TASP1: variants seen among roughly 807,000 people sequenced by gnomAD.
TASP1 encodes threonine aspartase 1.
TASP1 carries 16 observed loss-of-function variants against 56.6 expected under a neutral mutation model. That is an observed-to-expected ratio of 0.28 (90% CI 0.19 to 0.43). The LOEUF is 0.43. TASP1 is among the 20% of genes least tolerant of loss of function. The pLI is 1.00. For missense variants in TASP1, 393 were observed against 511.6 expected, an observed-to-expected ratio of 0.77 and a Z score of 2.24; for synonymous variants, 179 against 184.2, an observed-to-expected ratio of 0.97 and a Z score of 0.23.
chr20:13,448,297 C>T (rs2043486074), intron 11 of TASP1, among the ~76,000 whole-genome samples: 1 of 152,064 alleles, frequency 6.6e-6, no homozygotes, highest in Admixed American at 6.6e-5. Context: ...TATGTATTTG[C>T]ATCTGTACCT....
chr20:13,593,213 A>G (rs373736455), intron 4 of TASP1, among the ~76,000 whole-genome samples: 2 of 152,200 alleles, frequency 1.3e-5, no homozygotes, highest in East Asian at 3.8e-4. Flanking sequence ...GGCTGATTAA[A>G]CAGTTAAAAA....
chr20:13,126,670 T>C, the TASP1 span: 1 of 1,614,064 alleles, frequency 6.2e-7, no homozygotes, highest in Non-Finnish European at 8.5e-7. Flanking sequence ...GCAGAGCAAA[T>C]CATCAGATCA....
At chr20:13,398,068 A>C (rs1292820924) in intron 13 of TASP1, among the ~76,000 whole-genome samples, 1 of 152,190 alleles carries the variant, frequency 6.6e-6, no homozygotes, top group Non-Finnish European at 1.5e-5. Flanking sequence ...GTTTGAAAAG[A>C]GCATCTTCTA....
At chr20:13,329,804 G>C in the TASP1 span, among the ~76,000 whole-genome samples, 1 of 151,894 alleles carries the variant, frequency 6.6e-6, no homozygotes, top group South Asian at 2.1e-4. Flanking sequence ...CCAGTATAAT[G>C]GAGAATAAGA....
At chr20:13,281,885 T>A in the TASP1 span, among the ~76,000 whole-genome samples, 1 of 152,174 alleles carries the variant, frequency 6.6e-6, no homozygotes, top group African/African-American at 2.4e-5. Flanking sequence ...CAGTTGCATG[T>A]TTAAAAATGC....
chr20:13,255,803 C>G, the TASP1 span, among the ~76,000 whole-genome samples: 1 of 152,104 alleles, frequency 6.6e-6, no homozygotes, highest in African/African-American at 2.4e-5. Context: ...CATGGTAGAC[C>G]TAAGTGAAAC....
chr20:13,311,817 G>T, the TASP1 span, among the ~76,000 whole-genome samples: 1 of 152,160 alleles, frequency 6.6e-6, no homozygotes. Context: ...GGAAATGTTA[G>T]TTAAAGTGTA....
chr20:13,585,710 C>G, intron 5 of TASP1, among the ~76,000 whole-genome samples: 2 of 152,206 alleles, frequency 1.3e-5, no homozygotes, highest in Middle Eastern at 3.4e-3. Flanking sequence ...ATTAACAATA[C>G]CAAAAATTGG....
At chr20:13,584,645 G>A (rs566915188) in intron 5 of TASP1, among the ~76,000 whole-genome samples, 14 of 152,242 alleles carry the variant, frequency 9.2e-5, no homozygotes, top group African/African-American at 2.9e-4. Context: ...TGAAGTTCAC[G>A]TGGAAATTTA....
At chr20:13,328,394 T>C in the TASP1 span, among the ~76,000 whole-genome samples, 1 of 152,194 alleles carries the variant, frequency 6.6e-6, no homozygotes, top group Non-Finnish European at 1.5e-5. Context: ...TGGAAGACAG[T>C]GTGGTGATTC....
chr20:13,109,290 G>C, the TASP1 span, among the ~76,000 whole-genome samples: 1 of 152,208 alleles, frequency 6.6e-6, no homozygotes, highest in African/African-American at 2.4e-5. Flanking sequence ...CATTTGAGAA[G>C]AAGGGACAAT....
At chr20:13,126,421 GA>G in the TASP1 span, among the ~76,000 whole-genome samples, 1 of 152,170 alleles carries the variant, frequency 6.6e-6, no homozygotes, top group Non-Finnish European at 1.5e-5. Flanking sequence ...GAAGGAAATA[GA>G]AAAAATAAAT....
the TASP1 span, among the ~76,000 whole-genome samples, chr20:13,157,283 A>AT: frequency 6.6e-6 from 1 of 151,304 alleles, no homozygotes; most frequent in Non-Finnish European, 1.5e-5. Context: ...CAAAAAAAAA[A>AT]AAAATTAGCT....
At chr20:13,510,699 A>G (rs1008139848) in intron 10 of TASP1, among the ~76,000 whole-genome samples, 6 of 152,144 alleles carry the variant, frequency 3.9e-5, no homozygotes, top group African/African-American at 1.4e-4. Context: ...GGGAAGACAC[A>G]CTATATTCCT....
chr20:13,269,092 G>T, the TASP1 span, among the ~76,000 whole-genome samples: 278 of 152,232 alleles, frequency 1.8e-3, 2 homozygotes, highest in African/African-American at 6.4e-3. Context: ...GCACTGTGGT[G>T]GGGGGCAAAG....
the TASP1 span, among the ~76,000 whole-genome samples, chr20:13,340,905 A>G: frequency 6.6e-6 from 1 of 152,212 alleles, no homozygotes; most frequent in Non-Finnish European, 1.5e-5. Flanking sequence ...TTTGGAAGTA[A>G]GAAAAATGTA....
At chr20:13,300,906 G>A in the TASP1 span, among the ~76,000 whole-genome samples, 1 of 152,166 alleles carries the variant, frequency 6.6e-6, no homozygotes, top group South Asian at 2.1e-4. Flanking sequence ...CCAGAGCAAA[G>A]GCTTAAGACA....
intron 11 of TASP1, among the ~76,000 whole-genome samples, chr20:13,438,397 A>C (rs992065051): frequency 6.6e-6 from 1 of 152,240 alleles, no homozygotes; most frequent in Admixed American, 6.5e-5. Flanking sequence ...AAAAACAAGA[A>C]ATGGGGAAAT....
At chr20:13,315,344 C>T in the TASP1 span, among the ~76,000 whole-genome samples, 1 of 151,938 alleles carries the variant, frequency 6.6e-6, no homozygotes, top group Non-Finnish European at 1.5e-5. Context: ...TAAGTGTTTG[C>T]AGAAACATGT....
Sources: gnomAD v4.1 joint callset for allele counts (sites outside exome capture counted in the v4.1 genomes callset) on GRCh38, gnomAD v4.1.1 for gene constraint, MANE v1.5 for transcripts, NCBI Gene and HGNC (gene_info 2026-07-23, HGNC 2026-07-21) for gene names.